ETS1: variants seen among roughly 807,000 people sequenced by gnomAD.
ETS1 encodes the protein ETS proto-oncogene 1, transcription factor.
In ETS1, 15 loss-of-function variants were observed where a neutral mutation model predicts 58.6. That is an observed-to-expected ratio of 0.26 (90% CI 0.17 to 0.39). The LOEUF (loss-of-function observed/expected upper bound fraction) is 0.39. Among genes scored for constraint, ETS1 ranks in the 10% least tolerant of loss-of-function variants. The pLI, the probability that ETS1 is intolerant of heterozygous loss-of-function variation, is 1.00. For synonymous variants in ETS1, 214 were observed against 218.2 expected (o/e 0.98, Z 0.17); for missense variants, 417 against 610.5 (o/e 0.68, Z 3.34).
At position 128,573,930 on chromosome 11, in the gene ETS1, G is replaced by A. The variant is rs575107772; in HGVS notation, c.-14-786C>T. Among the ~76,000 whole-genome samples, 5 of 152,222 alleles carry A rather than the reference G, an allele frequency of 3.3e-5. No homozygotes were observed. In the South Asian group the frequency reaches 1.0e-3, roughly 32 times the overall value. ...ATAATCTCGAAGATTAAATTCCTAGGCATACCAATCAGAGGCCAAATTCTT... is the reference window on the plus strand; with the variant it reads ...ATAATCTCGAAGATTAAATTCCTAGACATACCAATCAGAGGCCAAATTCTT... On this transcript the variant is annotated intron_variant, in intron 1 of 9. Transcript: ENST00000392668.
chr11:128,488,206 C>T (rs1862692189), intron 5 of ETS1, among the ~76,000 whole-genome samples: 1 of 152,192 alleles, frequency 6.6e-6, no homozygotes, highest in Non-Finnish European at 1.5e-5. Context: ...GGAGAACATG[C>T]CGGTGCTTTG....
chr11:128,587,170 C>CA (rs5795624), intron 1 of ETS1, among the ~76,000 whole-genome samples: 575 of 139,282 alleles, frequency 4.1e-3, no homozygotes, highest in Middle Eastern at 0.012. Context: ...CTCCAATTTG[C>CA]AAAAAAAAAA....
At chr11:128,578,239 T>C (rs1000128482) in intron 1 of ETS1, among the ~76,000 whole-genome samples, 1 of 151,794 alleles carries the variant, frequency 6.6e-6, no homozygotes, top group African/African-American at 2.4e-5. Context: ...AGACACAGAA[T>C]AAAGGAAAAA....
rs1294336742 is a variant in ETS1, at chr11:128,585,162, AAGAAAG to A, written c.-15+2320_-15+2325del. Among the ~76,000 whole-genome samples, 288 of 50,628 alleles carry A rather than the reference AAGAAAG, an allele frequency of 5.7e-3. 28 individuals carry two copies. Among genetic ancestry groups the A allele is most frequent in the African/African-American group, 0.011 (99 of 8,910 alleles). The allele number at this position is 50,628 out of a possible 152,430, so 33.2% of individuals were successfully genotyped here. On this transcript the variant is annotated intron_variant, in intron 1 of 9. Coordinates refer to ENST00000392668, the MANE Select transcript of ETS1 (RefSeq NM_001143820.2). Reference sequence around the variant, plus strand: ...AAAGAAAGAAAGAAAGAAAGAAAGAAAGAAAGAGAAAGAAAGAAAGAAAGAAGGAAG... The same window carrying A: ...AAAGAAAGAAAGAAAGAAAGAAAGAAAGAAAGAAAGAAAGAAAGAAGGAAG...
intron 1 of ETS1, among the ~76,000 whole-genome samples, chr11:128,584,418 C>T (rs993106474): frequency 2.6e-5 from 4 of 152,168 alleles, no homozygotes; most frequent in African/African-American, 7.2e-5. Context: ...TGAGTTAACA[C>T]GGTCATATGA....
chr11:128,509,553 T>A (rs1456819571), intron 3 of ETS1, among the ~76,000 whole-genome samples: 3 of 59,374 alleles, frequency 5.1e-5, no homozygotes, highest in Non-Finnish European at 1.3e-4. Flanking sequence ...GGTGAAAATT[T>A]TTTTTTTTTT....
At chr11:128,479,530 CTCAA>C (rs1862423827) in intron 8 of ETS1, among the ~76,000 whole-genome samples, 1 of 152,230 alleles carries the variant, frequency 6.6e-6, no homozygotes, top group Admixed American at 6.5e-5. Flanking sequence ...CTACCAGAGT[CTCAA>C]TCAAAGTTCA....
At chr11:128,489,183 G>A (rs1862724711) in intron 5 of ETS1, 107 bp downstream of exon 5, 1 of 889,186 alleles carries the variant, frequency 1.1e-6, no homozygotes, top group Non-Finnish European at 1.9e-6. Context: ...CCTACAGTAG[G>A]ACACCCACAG....
intron 3 of ETS1, among the ~76,000 whole-genome samples, chr11:128,541,886 C>T (rs1864062929): frequency 6.6e-6 from 1 of 152,134 alleles, no homozygotes; most frequent in South Asian, 2.1e-4. Flanking sequence ...ATCATGGGAA[C>T]ACAATTGGGG....
chr11:128,566,931 G>A (rs946760021), intron 2 of ETS1, among the ~76,000 whole-genome samples: 4 of 152,178 alleles, frequency 2.6e-5, no homozygotes, highest in East Asian at 3.8e-4. Context: ...TCTCATGTCT[G>A]GTGTCAAGAA....
At position 128,545,807 on chromosome 11, in the gene ETS1, C is replaced by T. The variant is rs578147593; in HGVS notation, c.214+10484G>A. Among the ~76,000 whole-genome samples, 4 of 152,234 alleles carry T rather than the reference C, an allele frequency of 2.6e-5. No individual in the cohort carries two copies. The East Asian group carries it at 5.8e-4, about 22-fold the overall frequency. On this transcript the variant is annotated intron_variant, in intron 3 of 9. Transcript: ENST00000392668. ...GATCTAAACCATGTTAAAAACACAA[C>T]AAAAGATTACAATTCAAGAAAATGT...
rs146833801 is a variant in ETS1 at position 128,546,974 on chromosome 11, G to A, written c.214+9317C>T. On this transcript the variant is annotated intron_variant, in intron 3 of 9. Transcript: ENST00000392668. Reference sequence around the variant, plus strand: ...GAGGTCCCAGGTCCACAGTTTTCCTGGGGTGTTTGCAGAGATCATCCTGAG... The same window carrying A: ...GAGGTCCCAGGTCCACAGTTTTCCTAGGGTGTTTGCAGAGATCATCCTGAG... Among the ~76,000 whole-genome samples the A allele has an allele frequency of 5.2e-3, 795 of 152,238 alleles. 4 individuals carry two copies. Among genetic ancestry groups the A allele is most frequent in the African/African-American group, 0.018 (753 of 41,530 alleles).
intron 8 of ETS1, among the ~76,000 whole-genome samples, chr11:128,471,408 CAT>C (rs1448618969): frequency 5.9e-5 from 9 of 152,236 alleles, no homozygotes; most frequent in African/African-American, 1.4e-4. Context: ...CTCAAGTACA[CAT>C]GTGTGGGGGC....
rs367946221 is a variant in ETS1 at position 128,545,829 on chromosome 11, ATG to A, written c.214+10460_214+10461del. Among the ~76,000 whole-genome samples, 679 of 152,378 alleles carry A rather than the reference ATG, an allele frequency of 4.5e-3. 8 individuals are homozygous for A. Among genetic ancestry groups the A allele is most frequent in the African/African-American group, 0.016 (654 of 41,588 alleles). The stretch of plus-strand genomic sequence containing the variant: ...CAACAAAAGATTACAATTCAAGAAA[ATG>A]TGGCATCATGGTGGTTGGTTTTATT... On this transcript the variant is annotated intron_variant, in intron 3 of 9. Transcript: ENST00000392668.
chr11:128,548,677 G>T (rs1016068970), intron 3 of ETS1, among the ~76,000 whole-genome samples: 2 of 152,340 alleles, frequency 1.3e-5, no homozygotes, highest in African/African-American at 4.8e-5. Context: ...GCCGAAGGGC[G>T]AGGTTCGGGC....
intron 1 of ETS1, among the ~76,000 whole-genome samples, chr11:128,582,923 A>G (rs1366996484): frequency 6.6e-6 from 1 of 151,472 alleles, no homozygotes; most frequent in Non-Finnish European, 1.5e-5. Context: ...AGCACTGCGG[A>G]AAATAGTGCA....
At chr11:128,501,794 C>T (rs930991579) in intron 3 of ETS1, among the ~76,000 whole-genome samples, 27 of 152,262 alleles carry the variant, frequency 1.8e-4, no homozygotes, top group African/African-American at 6.5e-4. Flanking sequence ...GTCTTGACCA[C>T]AAATATATCA....
chr11:128,537,928 G>C (rs1449306367), intron 3 of ETS1, among the ~76,000 whole-genome samples: 1 of 152,146 alleles, frequency 6.6e-6, no homozygotes, highest in Non-Finnish European at 1.5e-5. Flanking sequence ...CTTAGAAGAT[G>C]ACTTCAGGAA....
At chr11:128,570,848 A>G (rs10893888) in intron 2 of ETS1, among the ~76,000 whole-genome samples, 8,213 of 152,320 alleles carry the variant, frequency 0.054, 332 homozygotes, top group South Asian at 0.1. Context: ...GGCAATCGCT[A>G]CTAAGCAAAC....
Sources: allele counts gnomAD v4.1 joint callset (sites outside exome capture counted in the v4.1 genomes callset), GRCh38; gene constraint gnomAD v4.1.1; transcripts MANE v1.5; gene names NCBI Gene and HGNC (gene_info 2026-07-23, HGNC 2026-07-21).